SUPT3H: variants seen among roughly 807,000 people sequenced by gnomAD.
SUPT3H encodes the protein SPT3 homolog, SAGA and STAGA complex component.
A neutral mutation model predicts 44.3 loss-of-function variants in SUPT3H; 44 were observed. The ratio of observed to expected loss-of-function variants is 0.99; its 90% CI spans 0.78 to 1.28. SUPT3H has a LOEUF of 1.28. Among genes scored for constraint, SUPT3H ranks in the 50% most tolerant of loss-of-function variants. The pLI is 0.00. For synonymous variants in SUPT3H, 124 were observed against 125.6 expected (o/e 0.99, Z 0.09); for missense variants, 380 against 387.1 (o/e 0.98, Z 0.15).
chr6:44,882,295 T>C (rs545694070), intron 10 of SUPT3H, among the ~76,000 whole-genome samples: 1 of 152,198 alleles, frequency 6.6e-6, no homozygotes, highest in Non-Finnish European at 1.5e-5. Flanking sequence ...AAGAAATGGA[T>C]AAATTGCTGG....
chr6:45,239,142 T>C (rs1769798846), intron 2 of SUPT3H, among the ~76,000 whole-genome samples: 2 of 152,202 alleles, frequency 1.3e-5, no homozygotes, highest in African/African-American at 4.8e-5. Context: ...TTTCTGATTC[T>C]TCATATATGG....
At chr6:44,812,884 T>A (rs1338907389) in intron 11 of SUPT3H, among the ~76,000 whole-genome samples, 2 of 152,188 alleles carry the variant, frequency 1.3e-5, no homozygotes, top group Non-Finnish European at 2.9e-5. Context: ...AAGTCTATAA[T>A]TCTGCATGCA....
intron 10 of SUPT3H, among the ~76,000 whole-genome samples, chr6:44,852,051 A>G (rs1287166068): frequency 3.3e-5 from 5 of 152,282 alleles, no homozygotes; most frequent in South Asian, 2.1e-4. Context: ...ACATTAGAGG[A>G]CCAATTCGTG....
rs533284073 is a variant in SUPT3H at position 44,994,798 on chromosome 6, G to A, written c.504+8855C>T. ...TAAAAGGGCAGGAAAAGCAGAATAG[G>A]GAATTGGAGCTAGAAATCCAATGTA... is the stretch of plus-strand genomic sequence containing the variant. On this transcript the variant is annotated intron_variant, in intron 6 of 10. Coordinates refer to ENST00000371459, the MANE Select transcript of SUPT3H (RefSeq NM_003599.4). 7.2e-5 allele frequency among the ~76,000 whole-genome samples: 11 copies of A among 152,182 alleles called. No homozygotes were observed. The South Asian group carries it at 2.3e-3, about 32-fold the overall frequency.
At chr6:45,273,983 T>C (rs905838274) in intron 2 of SUPT3H, among the ~76,000 whole-genome samples, 5 of 152,248 alleles carry the variant, frequency 3.3e-5, no homozygotes, top group African/African-American at 1.2e-4. Context: ...TGTTATCTTT[T>C]TGATCATAGC....
chr6:45,265,780 G>T (rs1775151986), intron 2 of SUPT3H, among the ~76,000 whole-genome samples: 1 of 151,896 alleles, frequency 6.6e-6, no homozygotes, highest in Admixed American at 6.6e-5. Flanking sequence ...TTGGATAGAG[G>T]TACTGAATAT....
intron 2 of SUPT3H, among the ~76,000 whole-genome samples, chr6:45,316,923 G>T (rs959369015): frequency 5.3e-5 from 8 of 152,260 alleles, no homozygotes; most frequent in Admixed American, 1.3e-4. Flanking sequence ...TGTATTGAAA[G>T]AATATTGTTA....
At chr6:45,308,815 C>T (rs1429063206) in intron 2 of SUPT3H, among the ~76,000 whole-genome samples, 2 of 146,644 alleles carry the variant, frequency 1.4e-5, no homozygotes, top group African/African-American at 5.0e-5. Flanking sequence ...AAAAGGTGCA[C>T]AATTTGGTTT....
chr6:44,943,659 C>T (rs1161045426), intron 9 of SUPT3H, among the ~76,000 whole-genome samples: 3 of 151,970 alleles, frequency 2.0e-5, no homozygotes, highest in Non-Finnish European at 2.9e-5. Context: ...GAAAACAACA[C>T]ATTAGACACA....
intron 2 of SUPT3H, among the ~76,000 whole-genome samples, chr6:45,169,745 T>C (rs1167024557): frequency 6.6e-6 from 1 of 152,196 alleles, no homozygotes; most frequent in East Asian, 1.9e-4. Flanking sequence ...TTCTGTAAAA[T>C]GTAGTTTTAT....
chr6:45,114,768 A>T (rs1382161033), intron 2 of SUPT3H, among the ~76,000 whole-genome samples: 1 of 152,190 alleles, frequency 6.6e-6, no homozygotes, highest in Non-Finnish European at 1.5e-5. Context: ...TCCCTATTTG[A>T]GGAACAGGAA....
chr6:45,333,671 G>A (rs978982537), intron 2 of SUPT3H, among the ~76,000 whole-genome samples: 1 of 151,136 alleles, frequency 6.6e-6, no homozygotes, highest in Non-Finnish European at 1.5e-5. Context: ...CATTTAACCT[G>A]ATATAAAAAA....
intron 10 of SUPT3H, among the ~76,000 whole-genome samples, chr6:44,846,556 G>A (rs913528579): frequency 2.6e-5 from 4 of 152,110 alleles, no homozygotes; most frequent in Non-Finnish European, 4.4e-5. Context: ...CTATATTGCA[G>A]GAAACTGAGA....
chr6:45,069,192 A>G (rs1213368865), intron 3 of SUPT3H, among the ~76,000 whole-genome samples: 1 of 152,178 alleles, frequency 6.6e-6, no homozygotes, highest in African/African-American at 2.4e-5. Flanking sequence ...AGGTAGTAAA[A>G]GAAGATAACA....
intron 6 of SUPT3H, among the ~76,000 whole-genome samples, chr6:44,963,020 T>C (rs1039287241): frequency 1.3e-5 from 2 of 151,824 alleles, no homozygotes; most frequent in African/African-American, 4.8e-5. Context: ...TTTGGGCATA[T>C]ACAAACATTT....
intron 1 of SUPT3H, among the ~76,000 whole-genome samples, chr6:45,365,957 G>A (rs969125666): frequency 6.6e-6 from 1 of 151,954 alleles, no homozygotes; most frequent in African/African-American, 2.4e-5. Context: ...AAATTAAGGT[G>A]ATGCATAATG....
intron 10 of SUPT3H, 59 bp downstream of exon 10, chr6:44,932,594 G>T (rs1476345324): frequency 3.1e-6 from 4 of 1,276,530 alleles, no homozygotes; most frequent in East Asian, 5.6e-5. Context: ...TTGACCACTT[G>T]AAAATCAAAA....
intron 2 of SUPT3H, among the ~76,000 whole-genome samples, chr6:45,275,707 A>G (rs1776905607): frequency 6.6e-6 from 1 of 152,148 alleles, no homozygotes; most frequent in Non-Finnish European, 1.5e-5. Context: ...TACTTTGGTT[A>G]GGTAAGTTGT....
chr6:44,899,268 G>A lies in SUPT3H; in HGVS notation c.912+33385C>T, dbSNP rs1764588675. ...CAAAGTAGAAATACATTTATCTTAA[G>A]AACTATATAGTAAGTAAGAGTCACT... is the stretch of plus-strand genomic sequence containing the variant. On this transcript the variant is annotated intron_variant, in intron 10 of 10. Coordinates refer to ENST00000371459, the MANE Select transcript of SUPT3H (RefSeq NM_003599.4). The A allele has an allele frequency of 2.0e-5, 3 of 152,286 alleles. No homozygotes were observed. The South Asian group carries it at 6.2e-4, about 32-fold the overall frequency. 9.4% of individuals were successfully genotyped at this position (152,286 alleles called of 1,614,324 possible). A position where few individuals can be genotyped will look rare whatever the true frequency, so the allele number is the denominator to read the frequency against.
Sources: allele counts gnomAD v4.1 joint callset (sites outside exome capture counted in the v4.1 genomes callset), GRCh38; gene constraint gnomAD v4.1.1; transcripts MANE v1.5; gene names NCBI Gene and HGNC (gene_info 2026-07-23, HGNC 2026-07-21).